GRB14: variants seen among roughly 807,000 people sequenced by gnomAD.
The protein encoded by GRB14 is growth factor receptor bound protein 14, also known as growth factor receptor-bound protein 14.
GRB14 carries 38 observed loss-of-function variants against 69.1 expected under a neutral mutation model. The observed-to-expected ratio is 0.55, with a 90% CI of 0.42 to 0.72. The LOEUF (loss-of-function observed/expected upper bound fraction) is 0.72. Among genes scored for constraint, GRB14 ranks in the 30% least tolerant of loss-of-function variants. The pLI is 0.00. For missense variants in GRB14, 666 were observed against 666.1 expected, an observed-to-expected ratio of 1.00 and a Z score of 0.00; for synonymous variants, 247 against 241.3, an observed-to-expected ratio of 1.02 and a Z score of -0.22.
intron 9 of GRB14, 24 bp from the exon 10 acceptor site, chr2:164,497,514 G>A (rs572711980): frequency 1.4e-6 from 2 of 1,383,868 alleles, no homozygotes; most frequent in African/African-American, 2.9e-5. Flanking sequence ...ACACATTTGA[G>A]TTATGAAAAT....
chr2:164,550,869 G>A (rs759754442), intron 2 of GRB14, among the ~76,000 whole-genome samples: 1 of 152,050 alleles, frequency 6.6e-6, no homozygotes, highest in African/African-American at 2.4e-5. Flanking sequence ...TCTACCAGTC[G>A]CCTACTCCTC....
At chr2:164,552,577 G>GT (rs1286545685) in intron 2 of GRB14, among the ~76,000 whole-genome samples, 1 of 152,118 alleles carries the variant, frequency 6.6e-6, no homozygotes, top group African/African-American at 2.4e-5. Flanking sequence ...GCAGTTCTGA[G>GT]TTTTTGAAGT....
At chr2:164,584,516 A>T (rs1030158090) in intron 2 of GRB14, among the ~76,000 whole-genome samples, 4 of 151,992 alleles carry the variant, frequency 2.6e-5, no homozygotes, top group Admixed American at 6.6e-5. Flanking sequence ...AAACAGTTTC[A>T]TTTCCTGAAC....
chr2:164,498,683 CTT>C (rs1686970186), intron 9 of GRB14, among the ~76,000 whole-genome samples: 1 of 152,172 alleles, frequency 6.6e-6, no homozygotes, highest in Non-Finnish European at 1.5e-5. Flanking sequence ...TTTTATCTCT[CTT>C]TATGTAGATT....
chr2:164,546,457 T>C (rs1443845204), intron 3 of GRB14, among the ~76,000 whole-genome samples: 1 of 152,008 alleles, frequency 6.6e-6, no homozygotes, highest in Non-Finnish European at 1.5e-5. Context: ...ACCAAATAAA[T>C]AGCACTGAGA....
chr2:164,521,303 G>A (rs1427764734), intron 6 of GRB14, among the ~76,000 whole-genome samples: 2 of 152,118 alleles, frequency 1.3e-5, no homozygotes, highest in East Asian at 3.9e-4. Context: ...CCCATAAGTG[G>A]GAGCTAAGCT....
intron 2 of GRB14, among the ~76,000 whole-genome samples, chr2:164,570,816 T>C (rs1206022584): frequency 2.0e-5 from 3 of 152,200 alleles, no homozygotes; most frequent in African/African-American, 7.2e-5. Context: ...AGGTCCTGTA[T>C]AGATTACAGT....
chr2:164,493,872 T>TACTATA (rs1686824186), intron 13 of GRB14, among the ~76,000 whole-genome samples: 1 of 151,906 alleles, frequency 6.6e-6, no homozygotes, highest in African/African-American at 2.4e-5. Context: ...ACTATACACA[T>TACTATA]CACATACATA....
At position 164,527,115 on chromosome 2, in the gene GRB14, C is replaced by T. The variant is rs267598952; in HGVS notation, c.502G>A (p.Glu168Lys). The T allele has an allele frequency of 5.7e-6, 9 of 1,569,258 alleles. No homozygotes were observed. The highest frequency in any genetic ancestry group is 3.5e-5 in the Admixed American group (2 of 57,904). Residue 168 changes from glutamate to lysine, a missense_variant, in exon 4 of 14, where the codon GAA (glutamate) becomes AAA (lysine). Physicochemically the swap from Glu to Lys is moderately conservative, Grantham distance 56. Coordinates refer to ENST00000263915, the MANE Select transcript of GRB14 (RefSeq NM_004490.3). Reference sequence around the variant, plus strand: ...TTGGATAGCACTTCAATCACCAGTTCGTGGTCTTCTATTGTTCTTTCTGTA... The same window carrying T: ...TTGGATAGCACTTCAATCACCAGTTTGTGGTCTTCTATTGTTCTTTCTGTA... ...IGVERTIEDH[E>K]LVIEVLSNWG...
intron 2 of GRB14, among the ~76,000 whole-genome samples, chr2:164,614,835 G>A (rs559957027): frequency 1.9e-4 from 29 of 152,204 alleles, no homozygotes; most frequent in African/African-American, 6.5e-4. Context: ...GTCCAAAGTG[G>A]GGTAATTACT....
At chr2:164,547,475 G>T (rs559804440) in intron 3 of GRB14, among the ~76,000 whole-genome samples, 185 bp downstream of exon 3, 1 of 152,174 alleles carries the variant, frequency 6.6e-6, no homozygotes, top group Non-Finnish European at 1.5e-5. Flanking sequence ...ACATCAATGA[G>T]TTGGCTATCT....
chr2:164,572,769 C>T (rs1461431322), intron 2 of GRB14, among the ~76,000 whole-genome samples: 1 of 152,126 alleles, frequency 6.6e-6, no homozygotes, highest in Non-Finnish European at 1.5e-5. Context: ...CTGACCATCT[C>T]AGTGTCTATC....
intron 3 of GRB14, 44 bp from the exon 4 acceptor site, chr2:164,527,179 ATATATATATATATATATATATAT>A (rs1436706377): frequency 5.6e-4 from 2 of 3,552 alleles, no homozygotes; most frequent in Non-Finnish European, 1.1e-3. Context: ...ATAGACAAAT[ATATATATATATATATATATATAT>A]ATATATATAT....
chr2:164,594,159 A>T (rs79238054), intron 2 of GRB14, among the ~76,000 whole-genome samples: 1 of 151,976 alleles, frequency 6.6e-6, no homozygotes, highest in South Asian at 2.1e-4. Context: ...AAAAAAAAAA[A>T]GTCTATCTTG....
intron 2 of GRB14, among the ~76,000 whole-genome samples, chr2:164,584,715 G>A (rs1487127297): frequency 6.6e-6 from 1 of 152,162 alleles, no homozygotes; most frequent in East Asian, 1.9e-4. Context: ...ACAAAATTAT[G>A]GCTGGTCTTC....
intron 6 of GRB14, among the ~76,000 whole-genome samples, chr2:164,519,946 ATCT>A (rs1230383505): frequency 6.6e-6 from 1 of 152,146 alleles, no homozygotes; most frequent in Non-Finnish European, 1.5e-5. Flanking sequence ...GCCAAAAGCA[ATCT>A]AGAAATTCAA....
chr2:164,530,292 G>A (rs530298612), intron 3 of GRB14, among the ~76,000 whole-genome samples: 2 of 152,194 alleles, frequency 1.3e-5, no homozygotes, highest in African/African-American at 2.4e-5. Flanking sequence ...CAGCTTTTGT[G>A]TGAACAAATA....
chr2:164,590,457 T>C (rs1228372070), intron 2 of GRB14, among the ~76,000 whole-genome samples: 1 of 152,230 alleles, frequency 6.6e-6, no homozygotes, highest in Non-Finnish European at 1.5e-5. Flanking sequence ...GAGAACATAC[T>C]TACGTGGATG....
At chr2:164,606,102 T>C (rs1241551489) in intron 2 of GRB14, among the ~76,000 whole-genome samples, 1 of 152,226 alleles carries the variant, frequency 6.6e-6, no homozygotes, top group Non-Finnish European at 1.5e-5. Flanking sequence ...GTTTTTCCCA[T>C]ATTTTCAATT....
Sources: gnomAD v4.1 joint callset for allele counts (sites outside exome capture counted in the v4.1 genomes callset) on GRCh38, gnomAD v4.1.1 for gene constraint, MANE v1.5 for transcripts, NCBI Gene and HGNC (gene_info 2026-07-23, HGNC 2026-07-21) for gene names.